Variants in CFAP54 observed in about 807,000 individuals in gnomAD.
The protein encoded by CFAP54 is cilia and flagella associated protein 54, also known as cilia- and flagella-associated protein 54.
In CFAP54, 290 loss-of-function variants were observed where a neutral mutation model predicts 370.4. The observed-to-expected ratio is 0.78, with a 90% CI of 0.71 to 0.86. The LOEUF (loss-of-function observed/expected upper bound fraction) is 0.86, where lower values mean the gene tolerates loss of function less well. Ranked by LOEUF, CFAP54 falls within the 40% of genes least tolerant of loss-of-function variation. CFAP54 has a pLI of 0.00. For missense variants in CFAP54, 3,399 were observed against 3,528.7 expected (o/e 0.96, Z 0.93); for synonymous variants, 1,206 against 1,236.5 (o/e 0.98, Z 0.52).
At position 96,720,432 on chromosome 12, in the gene CFAP54, A is replaced by G. The variant is rs1011455245; in HGVS notation, c.6832A>G (p.Arg2278Gly). 3 of 1,557,446 alleles carry G rather than the reference A, an allele frequency of 1.9e-6. No homozygotes were observed. The Admixed American group carries it at 5.5e-5, about 29-fold the overall frequency. The part of the protein sequence containing the change: ...KSMLLMEAED[R>G]LNFLLSEVEQ... ...GATGTTACTGATGGAAGCTGAGGAC[A>G]GGCTAAACTTCCTTCTGTCCGAGGT... Residue 2278 changes from arginine (R) to glycine (G), a missense_variant, in exon 50 of 68, where the codon AGG becomes GGG. Around this residue, in one of 3 missense-constraint regions of CFAP54, gnomAD observed 2,796 missense variants for 2,869.7 expected, o/e 0.97. Transcript: ENST00000524981.
At chr12:96,757,716 G>A in intron 58 of CFAP54, 128 bp downstream of exon 58, 1 of 528,422 alleles carries the variant, frequency 1.9e-6, no homozygotes, top group Non-Finnish European at 3.3e-6. Context: ...TCATTTCTTT[G>A]TAGTTACACT....
At chr12:96,645,090 T>A in intron 33 of CFAP54, 1 of 453,896 alleles carries the variant, frequency 2.2e-6, no homozygotes, top group South Asian at 1.6e-5. Context: ...AAATGTCTAT[T>A]TCATAGAGGC....
intron 50 of CFAP54, among the ~76,000 whole-genome samples, chr12:96,723,835 C>G (rs1162255260): frequency 9.2e-6 from 1 of 109,204 alleles, no homozygotes; most frequent in African/African-American, 3.6e-5. Context: ...CCCCTCCCCC[C>G]ACCCCACAAC....
At chr12:96,527,818 T>C (rs1955400088) in intron 9 of CFAP54, among the ~76,000 whole-genome samples, 2 of 152,170 alleles carry the variant, frequency 1.3e-5, no homozygotes, top group South Asian at 4.1e-4. Context: ...TCCACCCATC[T>C]CAGCCTCCTA....
At chr12:96,778,476 T>C (rs1958547102) in intron 60 of CFAP54, among the ~76,000 whole-genome samples, 1 of 152,246 alleles carries the variant, frequency 6.6e-6, no homozygotes, top group African/African-American at 2.4e-5. Context: ...TATTCAAAAG[T>C]GCACAGCTCA....
At chr12:96,772,502 A>T (rs1288570045) in intron 60 of CFAP54, among the ~76,000 whole-genome samples, 2 of 152,114 alleles carry the variant, frequency 1.3e-5, no homozygotes, top group African/African-American at 2.4e-5. Context: ...GTTTCTGCAT[A>T]TACAGACCCT....
At position 96,644,280 on chromosome 12, in the gene CFAP54, A is replaced by G. The variant is rs552160209; in HGVS notation, c.4419A>G (p.Leu1473=). 1.5e-5 allele frequency: 23 copies of G among 1,535,658 alleles called. No individual in the cohort carries two copies. The highest frequency in any genetic ancestry group is 1.1e-4 in the African/African-American group (8 of 73,044). ...TTAAAAGAAAGAGGTTCCATCGTCT[A>G]TCACTTGAAGAGATGCCCTGGAGAG... ...SYVKRKRFHR[L]SLEEMPWRAQ... Residue 1473 remains leucine (L), a synonymous_variant, in exon 33 of 68, where the codon CTA becomes CTG. Transcript: ENST00000524981.
intron 60 of CFAP54, among the ~76,000 whole-genome samples, chr12:96,770,869 TG>T (rs1475643298): frequency 1.3e-5 from 2 of 152,234 alleles, no homozygotes; most frequent in Non-Finnish European, 2.9e-5. Context: ...AAGGCTCTGC[TG>T]TTAAGCTTTA....
At chr12:96,623,961 A>G in intron 28 of CFAP54, 80 bp downstream of exon 28, 1 of 904,180 alleles carries the variant, frequency 1.1e-6, no homozygotes, top group Non-Finnish European at 1.7e-6. Flanking sequence ...AAGGATTAAG[A>G]TGAGATTAGC....
chr12:96,800,497 G>T (rs1250248537), intron 63 of CFAP54, among the ~76,000 whole-genome samples: 1 of 152,106 alleles, frequency 6.6e-6, no homozygotes, highest in Admixed American at 6.6e-5. Context: ...TATGTATTGG[G>T]TCATGATAAA....
At chr12:96,495,362 C>T (rs537123006) in intron 1 of CFAP54, among the ~76,000 whole-genome samples, 2 of 151,518 alleles carry the variant, frequency 1.3e-5, no homozygotes, top group Non-Finnish European at 1.5e-5. Context: ...GGCTGGAGTG[C>T]AGTAGCCGGA....
At chr12:96,616,100 C>G (rs1394208240) in intron 26 of CFAP54, among the ~76,000 whole-genome samples, 1 of 152,156 alleles carries the variant, frequency 6.6e-6, no homozygotes, top group Admixed American at 6.5e-5. Context: ...ATAGCAAAGA[C>G]TTGGAACCAA....
intron 58 of CFAP54, 36 bp from the exon 59 acceptor site, chr12:96,764,115 A>T (rs1307283098): frequency 7.0e-7 from 1 of 1,437,858 alleles, no homozygotes; most frequent in South Asian, 1.2e-5. Context: ...AGTTATCACA[A>T]AACTTTATAT....
At chr12:96,561,601 C>T (rs1955816867) in intron 17 of CFAP54, among the ~76,000 whole-genome samples, 2 of 151,616 alleles carry the variant, frequency 1.3e-5, no homozygotes, top group South Asian at 2.1e-4. Context: ...ATATTTGGTA[C>T]CTTTTGCTAG....
chr12:96,552,292 G>A (rs573741993), intron 15 of CFAP54, among the ~76,000 whole-genome samples: 2 of 150,420 alleles, frequency 1.3e-5, no homozygotes, highest in Non-Finnish European at 3.0e-5. Context: ...TCAACTTTGT[G>A]TTTATTCACA....
chr12:96,762,903 C>G (rs1412396411), intron 58 of CFAP54, among the ~76,000 whole-genome samples: 1 of 152,098 alleles, frequency 6.6e-6, no homozygotes, highest in African/African-American at 2.4e-5. Context: ...ACGCCTTATA[C>G]TTGTTGCTTT....
rs1959158842 is a variant in CFAP54, at chr12:96,829,010, C to T, written c.9097-4C>T. The T allele has an allele frequency of 6.8e-7, 1 of 1,472,814 alleles. No homozygotes were observed. The highest frequency in any genetic ancestry group is 1.4e-5 in the African/African-American group (1 of 71,644). The allele number at this position is 1,472,814 out of a possible 1,614,324, so 91.2% of individuals were successfully genotyped here. ...TCACTGTATTACTATCTTCTTATTT[C>T]TAGGACATGATTATTCAATGTTGCT... On this transcript the variant is annotated splice_region_variant and splice_polypyrimidine_tract_variant and intron_variant, in intron 65 of 67. Coordinates refer to ENST00000524981, the MANE Select transcript of CFAP54 (RefSeq NM_001306084.2).
At chr12:96,760,839 CT>C (rs1289861441) in intron 58 of CFAP54, among the ~76,000 whole-genome samples, 5 of 151,748 alleles carry the variant, frequency 3.3e-5, no homozygotes, top group Non-Finnish European at 7.4e-5. Flanking sequence ...GGATATGCCA[CT>C]TTTTTTTTCT....
chr12:96,850,417 G>T (rs1959508012), intron 66 of CFAP54, among the ~76,000 whole-genome samples: 1 of 152,056 alleles, frequency 6.6e-6, no homozygotes, highest in African/African-American at 2.4e-5. Flanking sequence ...CACGAAGCAG[G>T]AGCGTTTCAT....
Sources: allele counts gnomAD v4.1 joint callset (sites outside exome capture counted in the v4.1 genomes callset), GRCh38; gene constraint gnomAD v4.1.1; regional missense constraint gnomAD v4.1.1; transcripts MANE v1.5; gene names NCBI Gene and HGNC (gene_info 2026-07-23, HGNC 2026-07-21).